The following RGPD6 variants were observed in gnomAD, a reference collection of about 807,000 sequenced individuals.
RGPD6 encodes RANBP2 like and GRIP domain containing 6.
chr2:110,606,806 T>A, the RGPD6 span, among the ~76,000 whole-genome samples: 52 of 151,656 alleles, frequency 3.4e-4, 1 homozygote, highest in African/African-American at 1.2e-3. Flanking sequence ...CATGGAAGCC[T>A]TTTTTCGTTT....
At chr2:110,593,085 A>G in the RGPD6 span, among the ~76,000 whole-genome samples, 1 of 148,214 alleles carries the variant, frequency 6.7e-6, no homozygotes, top group Non-Finnish European at 1.5e-5. Context: ...ACAACATTCC[A>G]CACATTTATA....
the RGPD6 span, chr2:110,610,785 TCGC>T: frequency 2.2e-5 from 24 of 1,108,996 alleles, no homozygotes; most frequent in Middle Eastern, 4.0e-4. Context: ...GGTGTCAGCG[TCGC>T]CGCCGCCGCT....
the RGPD6 span, among the ~76,000 whole-genome samples, chr2:110,610,744 C>A: frequency 4.1e-5 from 6 of 145,780 alleles, no homozygotes; most frequent in Non-Finnish European, 7.6e-5. Context: ...ATTCCTGGAG[C>A]AGGGCTAAGT....
the RGPD6 span, chr2:110,611,050 C>A: frequency 2.2e-4 from 215 of 962,014 alleles, 1 homozygote; most frequent in Non-Finnish European, 2.6e-4. Context: ...CCGCCGCCAC[C>A]GCCCCCGGCC....
chr2:110,606,959 A>G, the RGPD6 span, among the ~76,000 whole-genome samples: 1 of 151,744 alleles, frequency 6.6e-6, no homozygotes, highest in African/African-American at 2.4e-5. Flanking sequence ...AATATGTACA[A>G]CCTACACCTT....
At chr2:110,606,144 CA>C in the RGPD6 span, among the ~76,000 whole-genome samples, 3 of 151,438 alleles carry the variant, frequency 2.0e-5, no homozygotes, top group Non-Finnish European at 4.4e-5. Flanking sequence ...GTGTATCACA[CA>C]TAGTAATAAG....
chr2:110,594,201 GA>G, the RGPD6 span, among the ~76,000 whole-genome samples: 5 of 147,392 alleles, frequency 3.4e-5, no homozygotes, highest in Non-Finnish European at 5.9e-5. Flanking sequence ...ATGTAGAAAA[GA>G]CTTTGACAAA....
chr2:110,610,945 G>T, the RGPD6 span: 1 of 870,208 alleles, frequency 1.1e-6, no homozygotes, highest in African/African-American at 2.0e-5. Flanking sequence ...CCCGACTCCG[G>T]GCCGGCCGGG....
chr2:110,606,088 C>T, the RGPD6 span, among the ~76,000 whole-genome samples: 3 of 151,410 alleles, frequency 2.0e-5, no homozygotes, highest in Non-Finnish European at 4.4e-5. Flanking sequence ...ATGGGAAATT[C>T]TAAAAAAAAG....
chr2:110,607,560 C>G, the RGPD6 span, among the ~76,000 whole-genome samples: 1 of 149,500 alleles, frequency 6.7e-6, no homozygotes, highest in East Asian at 2.0e-4. Context: ...GAGCTTTTCC[C>G]TTTATATTTT....
chr2:110,606,711 C>T, the RGPD6 span, among the ~76,000 whole-genome samples: 17 of 148,426 alleles, frequency 1.1e-4, 1 homozygote, highest in African/African-American at 5.1e-5. Flanking sequence ...TTCAAGTTTT[C>T]TTTGCCCAAG....
chr2:110,604,158 CG>C, the RGPD6 span, among the ~76,000 whole-genome samples: 1 of 138,958 alleles, frequency 7.2e-6, no homozygotes, highest in East Asian at 2.1e-4. Flanking sequence ...CTATGATGCA[CG>C]ACTAAGAAAA....
At chr2:110,610,018 C>T in the RGPD6 span, among the ~76,000 whole-genome samples, 1 of 145,766 alleles carries the variant, frequency 6.9e-6, no homozygotes. Context: ...GAGCGTGGCA[C>T]AAAGGGATAC....
the RGPD6 span, among the ~76,000 whole-genome samples, chr2:110,590,391 GA>G: frequency 3.0e-4 from 5 of 16,458 alleles, no homozygotes; most frequent in Admixed American, 1.1e-3. Context: ...AAATAGCTTA[GA>G]AAAAAAAGTA....
chr2:110,606,029 T>C, the RGPD6 span, among the ~76,000 whole-genome samples: 1 of 151,666 alleles, frequency 6.6e-6, no homozygotes, highest in Non-Finnish European at 1.5e-5. Context: ...ACACTGTCCT[T>C]TGACCCCTGT....
the RGPD6 span, among the ~76,000 whole-genome samples, chr2:110,607,706 G>A: frequency 6.8e-6 from 1 of 147,102 alleles, no homozygotes; most frequent in Non-Finnish European, 1.5e-5. Context: ...AGTTCTTAGG[G>A]ATTAAGATTC....
At chr2:110,601,493 TAAATGTAAAAGAAAC>T in the RGPD6 span, among the ~76,000 whole-genome samples, 2 of 147,010 alleles carry the variant, frequency 1.4e-5, no homozygotes, top group Non-Finnish European at 3.0e-5. Context: ...TGTATTTTCT[TAAATGTAAAAGAAAC>T]TGTATTAATT....
At chr2:110,610,713 A>G in the RGPD6 span, among the ~76,000 whole-genome samples, 1 of 143,224 alleles carries the variant, frequency 7.0e-6, no homozygotes, top group East Asian at 2.1e-4. Flanking sequence ...ACGGGGACTT[A>G]CCACAGTGAC....
the RGPD6 span, among the ~76,000 whole-genome samples, chr2:110,607,026 T>C: frequency 6.6e-6 from 1 of 151,536 alleles, no homozygotes; most frequent in Non-Finnish European, 1.5e-5. Flanking sequence ...TAAGAGATGA[T>C]CAATAAATAT....
Sources: gnomAD v4.1 joint callset for allele counts (sites outside exome capture counted in the v4.1 genomes callset) on GRCh38, gnomAD v4.1.1 for gene constraint, MANE v1.5 for transcripts, NCBI Gene and HGNC (gene_info 2026-07-23, HGNC 2026-07-21) for gene names.